The following PCDHA8 variants were observed in gnomAD, a reference collection of about 807,000 sequenced individuals.
PCDHA8 encodes the protein protocadherin alpha-8.
In PCDHA8, 53 loss-of-function variants were observed where a neutral mutation model predicts 61.8. That is an observed-to-expected ratio of 0.86 (90% confidence interval 0.69 to 1.08). PCDHA8 has a LOEUF of 1.08. Ranked by LOEUF, PCDHA8 falls within the 50% of genes least tolerant of loss-of-function variation. The pLI is 0.00. For synonymous variants in PCDHA8, 618 were observed against 556.6 expected (o/e 1.11, Z -1.55); for missense variants, 1,293 against 1,245.0 (o/e 1.04, Z -0.58).
rs2098417657 is a variant in PCDHA8, at chr5:141,010,566, C to T, written c.*629C>T. 3.4e-6 allele frequency: 1 copy of T among 290,180 alleles called. No individual in the cohort carries two copies. The highest frequency in any genetic ancestry group is 6.5e-6 in the Non-Finnish European group (1 of 154,226). The allele number at this position is 290,180 out of a possible 1,614,324, so 18.0% of individuals were successfully genotyped here. ...GACAAAACTACCCCCACTGACAAGG[C>T]TTTAGGAGACCCTAAAGTCTGTTGG... On this transcript the variant is annotated 3_prime_UTR_variant, in exon 4 of 4. Coordinates refer to ENST00000531613, the MANE Select transcript of PCDHA8 (RefSeq NM_018911.3).
At chr5:140,883,786 C>G in intron 1 of PCDHA8, 1 of 1,612,422 alleles carries the variant, frequency 6.2e-7, no homozygotes, top group Admixed American at 1.7e-5. Flanking sequence ...CGCTGTCGAG[C>G]TACGTGTCGG....
intron 3 of PCDHA8, among the ~76,000 whole-genome samples, chr5:140,998,936 A>G (rs1328813980): frequency 6.6e-5 from 10 of 152,246 alleles, no homozygotes; most frequent in African/African-American, 2.4e-4. Flanking sequence ...TTACAGATGA[A>G]GAAACTGTAA....
At position 140,851,072 on chromosome 5, in the gene PCDHA8, A is replaced by G; in HGVS notation, c.2394+7357A>G. The stretch of plus-strand genomic sequence containing the variant: ...TTTGTCTTGACTTCTAGTGAGAATT[A>G]TAAACTGTATATTAAATAGATATTT... On this transcript the variant is annotated intron_variant, in intron 1 of 3. Coordinates refer to ENST00000531613, the MANE Select transcript of PCDHA8 (RefSeq NM_018911.3). The G allele has an allele frequency of 5.9e-6, 8 of 1,346,802 alleles. 1 individual carries two copies. The highest frequency in any genetic ancestry group is 7.8e-6 in the Non-Finnish European group (8 of 1,027,866). The allele number at this position is 1,346,802 out of a possible 1,614,324, so 83.4% of individuals were successfully genotyped here. A position where few individuals can be genotyped will look rare whatever the true frequency, so the allele number is the denominator to read the frequency against.
rs1777194245 is a variant in PCDHA8 at position 140,841,400 on chromosome 5, G to C, written c.79G>C (p.Gly27Arg). The C allele has an allele frequency of 6.2e-7, 1 of 1,613,096 alleles. No homozygotes were observed. The highest frequency in any genetic ancestry group is 1.7e-5 in the Admixed American group (1 of 59,984). ...TCTGCTCCTCGCAGCCTGGAAGGTG[G>C]GGAGCGGCCAGCTCCACTACTCCGT... Reference protein sequence around the residue: ...LLLLLAAWKVGSGQLHYSVPE... With the variant: ...LLLLLAAWKVRSGQLHYSVPE... Residue 27 changes from glycine (G) to arginine (R), a missense_variant, in exon 1 of 4, where the codon GGG (glycine) becomes CGG (arginine). Physicochemically the swap from Gly to Arg is moderately radical, Grantham distance 125. Coordinates refer to ENST00000531613, the MANE Select transcript of PCDHA8 (RefSeq NM_018911.3).
rs1436927101 is a variant in PCDHA8 at position 140,886,292 on chromosome 5, T to A, written c.2394+42577T>A. Reference sequence around the variant, plus strand: ...AAATTTTTTAAAATTATTTTTATATTTATTTATTTTTTATTACACTTTAAG... The same window carrying A: ...AAATTTTTTAAAATTATTTTTATATATATTTATTTTTTATTACACTTTAAG... On this transcript the variant is annotated intron_variant, in intron 1 of 3. Coordinates refer to ENST00000531613, the MANE Select transcript of PCDHA8 (RefSeq NM_018911.3). 5.3e-5 allele frequency among the ~76,000 whole-genome samples: 8 copies of A among 152,090 alleles called. No homozygotes were observed. In the East Asian group the frequency reaches 1.3e-3, roughly 26 times the overall value.
intron 1 of PCDHA8, among the ~76,000 whole-genome samples, chr5:140,934,108 T>C (rs574657499): frequency 6.6e-6 from 1 of 152,276 alleles, no homozygotes; most frequent in East Asian, 1.9e-4. Flanking sequence ...TCTATTTTAT[T>C]AATTTTCATA....
Position 140,843,397 on chromosome 5 carries a change from G to T in PCDHA8, c.2076G>T (p.Ala692=). ...QSAGVLGPEA[A]LVDVNVYLII... ...CTGGCGTTTTGGGTCCGGAAGCGGC[G>T]CTGGTGGATGTCAACGTGTACCTGA... Residue 692 remains alanine, a synonymous_variant, in exon 1 of 4, where the codon GCG becomes GCT. Coordinates refer to ENST00000531613, the MANE Select transcript of PCDHA8 (RefSeq NM_018911.3). 1 of 1,596,068 alleles carries T rather than the reference G, an allele frequency of 6.3e-7. No individual in the cohort carries two copies. The highest frequency in any genetic ancestry group is 8.6e-7 in the Non-Finnish European group (1 of 1,165,604).
At chr5:140,876,906 G>C (rs782762108) in intron 1 of PCDHA8, 10 of 1,613,910 alleles carry the variant, frequency 6.2e-6, no homozygotes, top group Middle Eastern at 3.3e-4. Flanking sequence ...TCACGGTGTC[G>C]GCATGGGACG....
intron 1 of PCDHA8, among the ~76,000 whole-genome samples, chr5:140,963,886 T>C (rs1211703076): frequency 6.6e-6 from 1 of 152,236 alleles, no homozygotes; most frequent in African/African-American, 2.4e-5. Flanking sequence ...TTGTTTTCCT[T>C]AATTAAAATG....
chr5:140,854,644 T>C (rs1213707122), intron 1 of PCDHA8: 1 of 150,056 alleles, frequency 6.7e-6, no homozygotes, highest in African/African-American at 2.4e-5. Flanking sequence ...AAAACATCAT[T>C]AAATAAAATA....
rs1554138767 is a variant in PCDHA8, at chr5:140,842,067, T to C, written c.746T>C (p.Val249Ala). Residue 249 changes from valine to alanine, a missense_variant, in exon 1 of 4, where the codon GTA (valine) becomes GCA (alanine). Physicochemically the swap from Val to Ala is moderately conservative, Grantham distance 64. Coordinates refer to ENST00000531613, the MANE Select transcript of PCDHA8 (RefSeq NM_018911.3). ...APTFEQSEYEVRIFENADNGT... is the reference protein window; with the variant it reads ...APTFEQSEYEARIFENADNGT... ...ACTTTCGAACAGTCTGAATACGAAG[T>C]AAGAATATTCGAAAACGCAGACAAC... 5.6e-6 allele frequency: 9 copies of C among 1,613,874 alleles called. No individual in the cohort carries two copies. The South Asian group carries it at 9.9e-5, about 18-fold the overall frequency.
At position 140,852,693 on chromosome 5, in the gene PCDHA8, C is replaced by T. The variant is rs138488585; in HGVS notation, c.2394+8978C>T. 6.9e-4 allele frequency: 673 copies of T among 973,480 alleles called. 53 individuals carry two copies. Among genetic ancestry groups the T allele is most frequent in the African/African-American group, 2.3e-3 (127 of 56,176 alleles). The allele number at this position is 973,480 out of a possible 1,614,324, so 60.3% of individuals were successfully genotyped here. A position where few individuals can be genotyped will look rare whatever the true frequency, so the allele number is the denominator to read the frequency against. Reference sequence around the variant, plus strand: ...AACTCACCTTGAATATAGTCTTATACTTTCAAGTATCTTTGTCTTTGCACG... The same window carrying T: ...AACTCACCTTGAATATAGTCTTATATTTTCAAGTATCTTTGTCTTTGCACG... On this transcript the variant is annotated intron_variant, in intron 1 of 3. Transcript: ENST00000531613.
At chr5:140,999,894 G>A (rs1260070986) in intron 3 of PCDHA8, among the ~76,000 whole-genome samples, 3 of 152,096 alleles carry the variant, frequency 2.0e-5, no homozygotes, top group African/African-American at 7.2e-5. Flanking sequence ...TGTAGCTTGG[G>A]ACACCAAACA....
chr5:140,931,907 G>A (rs573618162), intron 1 of PCDHA8, among the ~76,000 whole-genome samples: 107 of 151,900 alleles, frequency 7.0e-4, no homozygotes, highest in Middle Eastern at 3.5e-3. Context: ...CATTTGAAAA[G>A]CATGACATTT....
intron 1 of PCDHA8, among the ~76,000 whole-genome samples, chr5:140,898,272 A>T (rs13177412): frequency 6.6e-6 from 1 of 152,110 alleles, no homozygotes; most frequent in Non-Finnish European, 1.5e-5. Flanking sequence ...CCCATGCCTA[A>T]GTTCTGAATG....
intron 1 of PCDHA8, chr5:140,869,566 G>C (rs782325882): frequency 6.2e-7 from 1 of 1,614,178 alleles, no homozygotes; most frequent in Middle Eastern, 1.6e-4. Context: ...TTTTCCACTA[G>C]AGGGAGCTTC....
At chr5:140,958,135 G>T (rs868969031) in intron 1 of PCDHA8, among the ~76,000 whole-genome samples, 3 of 152,036 alleles carry the variant, frequency 2.0e-5, no homozygotes, top group Non-Finnish European at 4.4e-5. Context: ...GTATCAGTGT[G>T]TATATTTATA....
chr5:140,883,822 C>T, intron 1 of PCDHA8: 2 of 1,612,484 alleles, frequency 1.2e-6, no homozygotes, highest in Non-Finnish European at 1.7e-6. Flanking sequence ...GCAAGGTGTA[C>T]GCGCTGCAGC....
rs2150468826 is a variant in PCDHA8, at chr5:140,850,123, C to G, written c.2394+6408C>G. ...GTGAGCGCGCGCGACGCGGGCGTGCCGCCTCTGGGCAGCAACGTGACGCTG... is the reference window on the plus strand; with the variant it reads ...GTGAGCGCGCGCGACGCGGGCGTGCGGCCTCTGGGCAGCAACGTGACGCTG... On this transcript the variant is annotated intron_variant, in intron 1 of 3. Coordinates refer to ENST00000531613, the MANE Select transcript of PCDHA8 (RefSeq NM_018911.3). The G allele has an allele frequency of 1.3e-5, 21 of 1,595,804 alleles. 4 individuals carry two copies. The highest frequency in any genetic ancestry group is 2.7e-5 in the African/African-American group (2 of 74,358).
Sources: allele counts gnomAD v4.1 joint callset (sites outside exome capture counted in the v4.1 genomes callset), GRCh38; gene constraint gnomAD v4.1.1; transcripts MANE v1.5; gene names NCBI Gene and HGNC (gene_info 2026-07-23, HGNC 2026-07-21).